Variants in FMN2 observed in about 807,000 individuals in gnomAD.
FMN2 encodes formin-2.
A neutral mutation model predicts 142.3 loss-of-function variants in FMN2; 51 were observed. That is an observed-to-expected ratio of 0.36 (90% CI 0.29 to 0.45). The LOEUF is 0.45. Among genes scored for constraint, FMN2 ranks in the 20% least tolerant of loss-of-function variants. The probability of loss-of-function intolerance (pLI) is 1.00; values close to 1 mark genes in which losing one functional copy is unlikely to be tolerated. For synonymous variants in FMN2, 882 were observed against 869.8 expected, an observed-to-expected ratio of 1.01 and a Z score of -0.25; for missense variants, 1,936 against 2,122.8, an observed-to-expected ratio of 0.91 and a Z score of 1.73.
intron 8 of FMN2, among the ~76,000 whole-genome samples, chr1:240,324,390 G>A (rs1329319622): frequency 6.6e-6 from 1 of 152,172 alleles, no homozygotes; most frequent in Non-Finnish European, 1.5e-5. Flanking sequence ...AGGCGCAGAG[G>A]CTCATGCCTG....
chr1:240,319,356 A>G (rs899937625), intron 8 of FMN2, among the ~76,000 whole-genome samples: 1 of 152,206 alleles, frequency 6.6e-6, no homozygotes, highest in Admixed American at 6.5e-5. Flanking sequence ...TGGCCAGCCC[A>G]ATATTTCTAC....
chr1:240,249,569 G>A (rs866326004), intron 6 of FMN2, among the ~76,000 whole-genome samples: 26 of 151,886 alleles, frequency 1.7e-4, no homozygotes, highest in African/African-American at 2.9e-4. Context: ...GTTTTGCTCC[G>A]GATTGCTTTG....
At position 240,286,675 on chromosome 1, in the gene FMN2, A is replaced by G. The variant is rs187533576; in HGVS notation, c.4154-8147A>G. On this transcript the variant is annotated intron_variant, in intron 7 of 17. Coordinates refer to ENST00000319653, the MANE Select transcript of FMN2 (RefSeq NM_020066.5). ...TTTAGTGAAACTTCAGGAGAGAACA[A>G]AATCAAATGTGTGTACTTCCTGTGC... 3.8e-3 allele frequency among the ~76,000 whole-genome samples: 583 copies of G among 152,122 alleles called. 2 individuals are homozygous for G. The highest frequency in any genetic ancestry group is 0.014 in the African/African-American group (564 of 41,408).
At chr1:240,259,033 C>T (rs1282182889) in intron 7 of FMN2, among the ~76,000 whole-genome samples, 1 of 152,152 alleles carries the variant, frequency 6.6e-6, no homozygotes, top group South Asian at 2.1e-4. Context: ...TATGCCCTGT[C>T]AATTGATGAG....
chr1:240,092,043 TGGGGCCGAGG>T lies in FMN2; in HGVS notation c.-66_-57del, dbSNP rs1363972304. ...CCGGGAGACTCCCTAGGCCCGGACC[TGGGGCCGAGG>T]AGGGCCGGGATGGCCTGAGTGCCCG... On this transcript the variant is annotated 5_prime_UTR_variant, in exon 1 of 18. It removes the in-frame stop codon of an upstream open reading frame in the 5' UTR. Transcript: ENST00000319653. The T allele has an allele frequency of 6.7e-7, 1 of 1,491,196 alleles. No individual in the cohort carries two copies. The highest frequency in any genetic ancestry group is 2.3e-5 in the Admixed American group (1 of 43,334). The allele number at this position is 1,491,196 out of a possible 1,614,324, so 92.4% of individuals were successfully genotyped here.
intron 16 of FMN2, among the ~76,000 whole-genome samples, chr1:240,442,087 C>T (rs975122399): frequency 5.3e-5 from 8 of 152,120 alleles, no homozygotes; most frequent in African/African-American, 1.9e-4. Flanking sequence ...CTGTACCTGT[C>T]CCTTCCGTGA....
chr1:240,302,419 A>G (rs1670231545), intron 8 of FMN2, among the ~76,000 whole-genome samples: 1 of 152,056 alleles, frequency 6.6e-6, no homozygotes, highest in Non-Finnish European at 1.5e-5. Flanking sequence ...AAATGAATAA[A>G]AGAGATAACA....
chr1:240,441,143 C>T (rs893811659), intron 16 of FMN2, among the ~76,000 whole-genome samples: 4 of 151,818 alleles, frequency 2.6e-5, no homozygotes, highest in African/African-American at 7.3e-5. Context: ...TACAGGTGCC[C>T]GCCTCCATGC....
At chr1:240,149,237 T>C (rs2103269089) in intron 2 of FMN2, among the ~76,000 whole-genome samples, 1 of 152,304 alleles carries the variant, frequency 6.6e-6, no homozygotes, top group Middle Eastern at 3.4e-3. Flanking sequence ...GTCTGTAAGG[T>C]TTATATTCTA....
At chr1:240,414,357 TC>T (rs964212576) in intron 15 of FMN2, among the ~76,000 whole-genome samples, 1 of 152,172 alleles carries the variant, frequency 6.6e-6, no homozygotes, top group Admixed American at 6.6e-5. Flanking sequence ...AGAGAGAACT[TC>T]ACGTCTGTTA....
chr1:240,183,003 G>A (rs11589961), intron 3 of FMN2, among the ~76,000 whole-genome samples: 33,903 of 150,542 alleles, frequency 0.23, 4,075 homozygotes, highest in African/African-American at 0.3. Flanking sequence ...TGTAGCCTTC[G>A]TCACCCGAGC....
chr1:240,368,955 T>TTATATATATATATATATATATATATA lies in FMN2; in HGVS notation c.4858+13065_4858+13066insTATATATATATATATATATATATATA, dbSNP rs10671772. 3.3e-3 allele frequency among the ~76,000 whole-genome samples: 494 copies of TTATATATATATATATATATATATATA among 147,810 alleles called. 3 individuals carry two copies. The highest frequency in any genetic ancestry group is 0.011 in the African/African-American group (448 of 39,492). The stretch of plus-strand genomic sequence containing the variant: ...ATATTTAAAGTGTACAACACAATGT[T>TTATATATATATATATATATATATATA]TATATATATATATATATAAACACAG... On this transcript the variant is annotated intron_variant, in intron 14 of 17. Transcript: ENST00000319653.
chr1:240,472,502 C>A (rs1676845055), intron 17 of FMN2, 49 bp downstream of exon 17: 2 of 1,258,522 alleles, frequency 1.6e-6, no homozygotes, highest in Middle Eastern at 2.1e-4. Flanking sequence ...CTTTTAAATC[C>A]TATTTTCATA....
At chr1:240,201,474 TA>T (rs1325059569) in intron 4 of FMN2, among the ~76,000 whole-genome samples, 3 of 152,150 alleles carry the variant, frequency 2.0e-5, no homozygotes, top group Non-Finnish European at 4.4e-5. Flanking sequence ...CAGATGTATT[TA>T]AAAAATGAAT....
intron 6 of FMN2, among the ~76,000 whole-genome samples, chr1:240,235,289 G>T (rs945759559): frequency 4.6e-5 from 7 of 152,172 alleles, no homozygotes; most frequent in Admixed American, 3.9e-4. Flanking sequence ...TAAATAGAAA[G>T]ACTTCTAAGC....
At chr1:240,362,223 ACTTAG>A (rs1672511722) in intron 14 of FMN2, among the ~76,000 whole-genome samples, 1 of 152,152 alleles carries the variant, frequency 6.6e-6, no homozygotes, top group African/African-American at 2.4e-5. Context: ...AGTTACTATA[ACTTAG>A]CTTATCTCTA....
chr1:240,396,107 A>T lies in FMN2; in HGVS notation c.4910+3545A>T, dbSNP rs1175548820. On this transcript the variant is annotated intron_variant, in intron 15 of 17. Transcript: ENST00000319653. Reference sequence around the variant, plus strand: ...CAGATAATTGTTAACACTTTTTAGTAATAAAGTATTTGCTAATAAAGTATG... The same window carrying T: ...CAGATAATTGTTAACACTTTTTAGTTATAAAGTATTTGCTAATAAAGTATG... 2.0e-5 allele frequency among the ~76,000 whole-genome samples: 3 copies of T among 152,372 alleles called. No individual in the cohort carries two copies. In the East Asian group the frequency reaches 5.8e-4, roughly 29 times the overall value.
intron 1 of FMN2, among the ~76,000 whole-genome samples, chr1:240,105,874 A>G (rs949706538): frequency 6.6e-6 from 1 of 152,188 alleles, no homozygotes; most frequent in Non-Finnish European, 1.5e-5. Context: ...ACAGCAAATA[A>G]TTGAAATATA....
At chr1:240,443,501 G>C (rs1467707990) in intron 16 of FMN2, among the ~76,000 whole-genome samples, 1 of 152,048 alleles carries the variant, frequency 6.6e-6, no homozygotes, top group Non-Finnish European at 1.5e-5. Flanking sequence ...ACTTTGGGAG[G>C]CCAAGCACTT....
Sources: allele counts gnomAD v4.1 joint callset (sites outside exome capture counted in the v4.1 genomes callset), GRCh38; gene constraint gnomAD v4.1.1; transcripts MANE v1.5; gene names NCBI Gene and HGNC (gene_info 2026-07-23, HGNC 2026-07-21).